FNDC3B: variants seen among roughly 807,000 people sequenced by gnomAD.
The protein encoded by FNDC3B is fibronectin type III domain containing 3B, also known as fibronectin type III domain-containing protein 3B.
A neutral mutation model predicts 151.5 loss-of-function variants in FNDC3B; 12 were observed. That is an observed-to-expected ratio of 0.08 (90% CI 0.05 to 0.13). FNDC3B has a LOEUF of 0.13. Among genes scored for constraint, FNDC3B ranks in the 10% least tolerant of loss-of-function variants. The pLI is 1.00. For synonymous variants in FNDC3B, 528 were observed against 549.0 expected (o/e 0.96, Z 0.54); for missense variants, 1,214 against 1,505.3 (o/e 0.81, Z 3.20).
intron 10 of FNDC3B, among the ~76,000 whole-genome samples, chr3:172,309,812 A>G (rs1182348998): frequency 6.6e-6 from 1 of 152,198 alleles, no homozygotes; most frequent in Non-Finnish European, 1.5e-5. Flanking sequence ...ATTATTTATC[A>G]TACCTATCTA....
rs573650780 is a variant in FNDC3B, at chr3:172,054,389, A to G, written c.-29+14618A>G. ...ACCCTAAATGCGTCCTTTGTTAGAA[A>G]TCATGTAGGGCTCGACTCCATCTTT... On this transcript the variant is annotated intron_variant, in intron 1 of 25. Coordinates refer to ENST00000415807, the MANE Select transcript of FNDC3B (RefSeq NM_022763.4). 4.6e-5 allele frequency among the ~76,000 whole-genome samples: 7 copies of G among 152,308 alleles called. No individual in the cohort carries two copies. In the South Asian group the frequency reaches 1.2e-3, roughly 27 times the overall value.
At chr3:172,053,772 G>A (rs987669566) in intron 1 of FNDC3B, among the ~76,000 whole-genome samples, 22 of 94,686 alleles carry the variant, frequency 2.3e-4, no homozygotes, top group Non-Finnish European at 4.0e-4. Context: ...GCGAAACTCC[G>A]TCTCAAAAAA....
At chr3:172,275,656 C>T (rs1182852147) in intron 6 of FNDC3B, among the ~76,000 whole-genome samples, 1 of 152,206 alleles carries the variant, frequency 6.6e-6, no homozygotes, top group Admixed American at 6.5e-5. Flanking sequence ...GGTTGCAATT[C>T]TGGAGAACAA....
chr3:172,175,276 A>C (rs1469973478), intron 3 of FNDC3B, among the ~76,000 whole-genome samples: 1 of 152,106 alleles, frequency 6.6e-6, no homozygotes, highest in East Asian at 1.9e-4. Flanking sequence ...TGTTGAATGA[A>C]CAAGTGGAGA....
intron 6 of FNDC3B, among the ~76,000 whole-genome samples, chr3:172,283,072 C>T (rs944251081): frequency 1.3e-5 from 2 of 152,120 alleles, no homozygotes; most frequent in African/African-American, 2.4e-5. Context: ...TAGATGAGCA[C>T]GTATGTAGGT....
intron 25 of FNDC3B, among the ~76,000 whole-genome samples, chr3:172,381,755 A>G (rs577811161): frequency 2.0e-5 from 3 of 152,132 alleles, no homozygotes; most frequent in Non-Finnish European, 4.4e-5. Context: ...TTTGCCAAGA[A>G]TGATGGTTTC....
chr3:172,325,630 A>G (rs1362867726), intron 11 of FNDC3B, among the ~76,000 whole-genome samples: 2 of 152,132 alleles, frequency 1.3e-5, no homozygotes, highest in Admixed American at 1.3e-4. Flanking sequence ...TTGAACACGG[A>G]CTTACTCTAC....
At chr3:172,129,297 C>A (rs1720954922) in intron 2 of FNDC3B, among the ~76,000 whole-genome samples, 2 of 152,092 alleles carry the variant, frequency 1.3e-5, no homozygotes, top group Admixed American at 6.6e-5. Flanking sequence ...TGGACTGATC[C>A]ATTACCCTGA....
At chr3:172,382,965 C>T (rs940889465) in intron 25 of FNDC3B, among the ~76,000 whole-genome samples, 1 of 151,992 alleles carries the variant, frequency 6.6e-6, no homozygotes, top group Admixed American at 6.6e-5. Context: ...TTTTTTGGTT[C>T]CATATGAAAC....
chr3:172,289,514 T>C (rs1730207928), intron 7 of FNDC3B, among the ~76,000 whole-genome samples: 1 of 152,210 alleles, frequency 6.6e-6, no homozygotes, highest in Non-Finnish European at 1.5e-5. Context: ...CCTGAGACAG[T>C]CCACTGTTTC....
intron 3 of FNDC3B, among the ~76,000 whole-genome samples, chr3:172,155,360 G>A (rs756919247): frequency 3.9e-5 from 6 of 152,142 alleles, no homozygotes; most frequent in Non-Finnish European, 8.8e-5. Context: ...TTGGTATATG[G>A]TGTAACCCTT....
intron 1 of FNDC3B, among the ~76,000 whole-genome samples, chr3:172,079,911 G>A (rs1348280641): frequency 2.6e-5 from 4 of 152,146 alleles, no homozygotes; most frequent in South Asian, 4.1e-4. Flanking sequence ...CTATGAGGCT[G>A]CGTAACATCT....
At chr3:172,245,060 T>C (rs557357820) in intron 4 of FNDC3B, among the ~76,000 whole-genome samples, 9 of 152,284 alleles carry the variant, frequency 5.9e-5, no homozygotes, top group African/African-American at 2.2e-4. Context: ...CAGAATAAGA[T>C]ACTTTAAAAT....
At chr3:172,190,692 G>T (rs1724461094) in intron 3 of FNDC3B, among the ~76,000 whole-genome samples, 1 of 151,992 alleles carries the variant, frequency 6.6e-6, no homozygotes, top group Non-Finnish European at 1.5e-5. Flanking sequence ...TTTTGAGATG[G>T]AGTTTTGCTC....
chr3:172,332,081 C>G (rs180798145), intron 13 of FNDC3B, among the ~76,000 whole-genome samples: 1 of 152,286 alleles, frequency 6.6e-6, no homozygotes, highest in East Asian at 1.9e-4. Context: ...AGTGATTCTC[C>G]TGCCTCAGCC....
intron 6 of FNDC3B, among the ~76,000 whole-genome samples, chr3:172,264,510 T>C (rs908572528): frequency 6.6e-6 from 1 of 152,218 alleles, no homozygotes; most frequent in Admixed American, 6.5e-5. Flanking sequence ...TATGTTTGTT[T>C]CTTGCATTTT....
In FNDC3B at chr3:172,297,994, C is replaced by T. The variant is rs577685040; in HGVS notation, c.1002-734C>T. ...ATTGGGCAGTTTTCACCCCTTCCCGCGCAGGAGCTAGTCTAGGGTCATACA... is the reference window on the plus strand; with the variant it reads ...ATTGGGCAGTTTTCACCCCTTCCCGTGCAGGAGCTAGTCTAGGGTCATACA... On this transcript the variant is annotated intron_variant, in intron 8 of 25. Transcript: ENST00000415807. 2.8e-4 allele frequency among the ~76,000 whole-genome samples: 43 copies of T among 152,290 alleles called. 1 individual carries two copies. The highest frequency in any genetic ancestry group is 2.5e-3 in the Admixed American group (38 of 15,298).
chr3:172,190,772 G>A (rs989249987), intron 3 of FNDC3B, among the ~76,000 whole-genome samples: 1 of 152,084 alleles, frequency 6.6e-6, no homozygotes, highest in East Asian at 1.9e-4. Flanking sequence ...GGGTTCAAGC[G>A]ATTCTCCTGC....
At chr3:172,050,700 CGT>C (rs71975191) in intron 1 of FNDC3B, among the ~76,000 whole-genome samples, 16,473 of 144,820 alleles carry the variant, frequency 0.11, 1,243 homozygotes, top group African/African-American at 0.21. Flanking sequence ...GGTATATTTT[CGT>C]GTGTGTGTGT....
Sources: allele counts gnomAD v4.1 joint callset (sites outside exome capture counted in the v4.1 genomes callset), GRCh38; gene constraint gnomAD v4.1.1; transcripts MANE v1.5; gene names NCBI Gene and HGNC (gene_info 2026-07-23, HGNC 2026-07-21).